The following SLK variants were observed in gnomAD, a reference collection of about 807,000 sequenced individuals.
The protein encoded by SLK is STE20-like serine/threonine-protein kinase.
In SLK, 67 loss-of-function variants were observed where a neutral mutation model predicts 147.7. The ratio of observed to expected loss-of-function variants is 0.45; its 90% CI spans 0.37 to 0.56. The LOEUF (loss-of-function observed/expected upper bound fraction) is 0.56. SLK is among the 20% of genes least tolerant of loss of function. The probability of loss-of-function intolerance (pLI) is 0.00; values close to 1 mark genes in which losing one functional copy is unlikely to be tolerated. For synonymous variants in SLK, 441 were observed against 475.0 expected, an observed-to-expected ratio of 0.93 and a Z score of 0.93; for missense variants, 1,136 against 1,438.8, an observed-to-expected ratio of 0.79 and a Z score of 3.41.
rs1844317785 is a variant in SLK at position 104,005,851 on chromosome 10, A to G, written c.2481-61A>G. 3.9e-6 allele frequency: 6 copies of G among 1,552,722 alleles called. No homozygotes were observed. In the South Asian group the frequency reaches 6.1e-5, roughly 16 times the overall value. On this transcript the variant is annotated intron_variant, in intron 10 of 18. Coordinates refer to ENST00000369755, the MANE Select transcript of SLK (RefSeq NM_014720.4). ...GAAAATTTTTAAAGCTTTAAAAAAA[A>G]ACGTATTTCAGAAGTGTAATTTTTG...
At chr10:103,995,529 G>A (rs1470691580) in intron 4 of SLK, among the ~76,000 whole-genome samples, 3 of 150,188 alleles carry the variant, frequency 2.0e-5, no homozygotes, top group African/African-American at 7.4e-5. Context: ...TGGGTTCAAG[G>A]GATTCTTGTG....
chr10:104,019,222 C>G (rs1000820217), intron 15 of SLK: 1 of 220,870 alleles, frequency 4.5e-6, no homozygotes, highest in African/African-American at 2.3e-5. Flanking sequence ...AGTATGGACT[C>G]CTTGTACTTA....
intron 1 of SLK, among the ~76,000 whole-genome samples, chr10:103,989,748 G>A (rs988057665): frequency 3.3e-5 from 5 of 152,110 alleles, no homozygotes; most frequent in African/African-American, 1.2e-4. Context: ...GATTACAGGC[G>A]TGAGCCACCG....
intron 1 of SLK, among the ~76,000 whole-genome samples, chr10:103,979,609 TCGTC>T (rs1843914800): frequency 6.6e-6 from 1 of 152,174 alleles, no homozygotes; most frequent in Non-Finnish European, 1.5e-5. Context: ...TGAAGTAATA[TCGTC>T]CCTGATTACT....
intron 1 of SLK, among the ~76,000 whole-genome samples, chr10:103,983,822 G>A (rs921241006): frequency 6.6e-6 from 1 of 152,098 alleles, no homozygotes; most frequent in Non-Finnish European, 1.5e-5. Context: ...AAAAGTTTGG[G>A]TCGCAGTCTC....
chr10:104,016,893 G>A (rs1844472298), intron 13 of SLK, among the ~76,000 whole-genome samples: 1 of 152,178 alleles, frequency 6.6e-6, no homozygotes. Flanking sequence ...AGGGGGGATT[G>A]CAAGTGAAAT....
chr10:103,996,656 C>A (rs1202926494), intron 4 of SLK, among the ~76,000 whole-genome samples: 1 of 152,122 alleles, frequency 6.6e-6, no homozygotes, highest in Non-Finnish European at 1.5e-5. Flanking sequence ...CCTCAGCCTC[C>A]CAAAGTGCTG....
Position 104,019,811 on chromosome 10 carries a change from A to G in SLK, c.3210A>G (p.Arg1070=). 1.9e-6 allele frequency: 3 copies of G among 1,614,086 alleles called. No homozygotes were observed. Among genetic ancestry groups the G allele is most frequent in the Non-Finnish European group, 2.5e-6 (3 of 1,179,902 alleles). The change falls in exon 16 of 19, where the codon AGA becomes AGG. Residue 1070 remains arginine, a synonymous_variant. Transcript: ENST00000369755. Reference sequence around the variant, plus strand: ...ACAGACAGACTCAAGAAAGAGCAAGACTGCCCAAGATTCAGCGCAGTGAAG... The same window carrying G: ...ACAGACAGACTCAAGAAAGAGCAAGGCTGCCCAAGATTCAGCGCAGTGAAG... ...LKNRQTQERA[R]LPKIQRSEAK... is the part of the protein sequence containing the mutation.
rs199510176 is a variant in SLK at position 104,003,055 on chromosome 10, A to G, written c.1877A>G (p.Asn626Ser). 156 of 1,613,902 alleles carry G rather than the reference A, an allele frequency of 9.7e-5. No homozygotes were observed. Among genetic ancestry groups the G allele is most frequent in the Non-Finnish European group, 1.2e-4 (143 of 1,179,932 alleles). Residue 626 changes from asparagine (N) to serine (S), a missense_variant, in exon 9 of 19, where the codon AAC (asparagine) becomes AGC (serine). Asn to Ser is a conservative substitution (Grantham distance 46, BLOSUM62 1). Around this residue, in one of 6 missense-constraint regions of SLK, gnomAD observed 516 missense variants for 531.3 expected, o/e 0.97. Transcript: ENST00000369755. ...GAACAAGCAATAAACAGTTCAGAGA[A>G]CATAATGGACATCAATGAGGAACCA... ...NKEQAINSSENIMDINEEPGT... is the reference protein window; with the variant it reads ...NKEQAINSSESIMDINEEPGT...
intron 1 of SLK, among the ~76,000 whole-genome samples, chr10:103,969,369 C>A (rs541864459): frequency 3.9e-5 from 6 of 152,348 alleles, no homozygotes; most frequent in Admixed American, 3.3e-4. Context: ...GCTAAAATAT[C>A]TACTCCTCTC....
At position 104,020,469 on chromosome 10, in the gene SLK, C is replaced by T. The variant is rs1025977203; in HGVS notation, c.3322-19C>T. The T allele has an allele frequency of 1.7e-5, 28 of 1,602,544 alleles. No individual in the cohort carries two copies. Among genetic ancestry groups the T allele is most frequent in the Non-Finnish European group, 2.4e-5 (28 of 1,174,614 alleles). Reference sequence around the variant, plus strand: ...CACATGCTTCTGAACTATAGTTTATCTTTTTTTCTTATTTATAGTTTGCTG... The same window carrying T: ...CACATGCTTCTGAACTATAGTTTATTTTTTTTTCTTATTTATAGTTTGCTG... On this transcript the variant is annotated intron_variant, in intron 16 of 18. Coordinates refer to ENST00000369755, the MANE Select transcript of SLK (RefSeq NM_014720.4).
In SLK at chr10:103,999,413, G is replaced by A. The variant is rs992730495; in HGVS notation, c.782+100G>A. 7.9e-6 allele frequency: 7 copies of A among 890,708 alleles called. No homozygotes were observed. In the African/African-American group the frequency reaches 1.2e-4, roughly 15 times the overall value. The allele number at this position is 890,708 out of a possible 1,614,324, so 55.2% of individuals were successfully genotyped here. ...AATTTTCCAAGAGTATTTAAAATTG[G>A]ATACATGGTTCGAAGACTATATGAA... On this transcript the variant is annotated intron_variant, in intron 6 of 18. Transcript: ENST00000369755.
chr10:103,973,193 G>A (rs960596850), intron 1 of SLK, among the ~76,000 whole-genome samples: 2 of 152,120 alleles, frequency 1.3e-5, no homozygotes, highest in East Asian at 3.9e-4. Context: ...AATCTACCTA[G>A]AATAGATGTT....
chr10:103,992,141 GTTTTTTTTTTTTTTTTTTC>G (rs1279267603), intron 2 of SLK, among the ~76,000 whole-genome samples: 27 of 91,792 alleles, frequency 2.9e-4, no homozygotes, highest in Non-Finnish European at 5.0e-4. Context: ...TATTTCTTCT[GTTTTTTTTTTTTTTTTTTC>G]TAAAAGAAGT....
chr10:104,005,798 T>A lies in SLK; in HGVS notation c.2480+107T>A, dbSNP rs1844316992. The A allele has an allele frequency of 6.7e-6, 10 of 1,490,554 alleles. No homozygotes were observed. In the East Asian group the frequency reaches 1.1e-4, roughly 17 times the overall value. The allele number at this position is 1,490,554 out of a possible 1,614,324, so 92.3% of individuals were successfully genotyped here. A position where few individuals can be genotyped will look rare whatever the true frequency, so the allele number is the denominator to read the frequency against. Reference sequence around the variant, plus strand: ...GGTAAATTATTGGCTAATTTTTTTTTATTCTTTTACTACCGTTCCACTCGA... The same window carrying A: ...GGTAAATTATTGGCTAATTTTTTTTAATTCTTTTACTACCGTTCCACTCGA... On this transcript the variant is annotated intron_variant, in intron 10 of 18. Transcript: ENST00000369755.
chr10:103,972,916 C>G (rs999618586), intron 1 of SLK, among the ~76,000 whole-genome samples: 2 of 151,966 alleles, frequency 1.3e-5, no homozygotes, highest in African/African-American at 4.8e-5. Context: ...TGTGTGTGTA[C>G]AATATATGTG....
Position 103,999,285 on chromosome 10 carries a change from C to T in SLK, c.754C>T (p.Pro252Ser). The T allele has an allele frequency of 6.2e-7, 1 of 1,612,212 alleles. No homozygotes were observed. The highest frequency in any genetic ancestry group is 8.5e-7 in the Non-Finnish European group (1 of 1,179,216). The change falls in exon 6 of 19, where the codon CCA becomes TCA. Residue 252 changes from proline (P) to serine (S), a missense_variant. Pro to Ser is a moderately conservative substitution (Grantham distance 74). Around this residue, in one of 6 missense-constraint regions of SLK, gnomAD observed 141 missense variants for 219.3 expected, o/e 0.64. Transcript: ENST00000369755. ...RVLLKIAKSE[P>S]PTLAQPSRWS... ...GCTGCTAAAAATAGCAAAATCTGAG[C>T]CACCTACATTAGCACAGCCATCCAG... is the stretch of plus-strand genomic sequence containing the variant.
chr10:103,972,975 C>CA (rs1843814392), intron 1 of SLK, among the ~76,000 whole-genome samples: 1 of 152,150 alleles, frequency 6.6e-6, no homozygotes, highest in Non-Finnish European at 1.5e-5. Context: ...AATATAGTCT[C>CA]ATTCTGAGAC....
intron 13 of SLK, among the ~76,000 whole-genome samples, chr10:104,014,253 A>T (rs1400328781): frequency 6.6e-6 from 1 of 152,224 alleles, no homozygotes; most frequent in African/African-American, 2.4e-5. Context: ...AGTGATTTTC[A>T]TTCCGTTTAA....
Sources: allele counts gnomAD v4.1 joint callset (sites outside exome capture counted in the v4.1 genomes callset), GRCh38; gene constraint gnomAD v4.1.1; regional missense constraint gnomAD v4.1.1; transcripts MANE v1.5; gene names NCBI Gene and HGNC (gene_info 2026-07-23, HGNC 2026-07-21).